The following A3GALT2 variants were observed in gnomAD, a reference collection of about 807,000 sequenced individuals.
A3GALT2 encodes the protein alpha 1,3-galactosyltransferase 2.
In A3GALT2, 14 loss-of-function variants were observed where a neutral mutation model predicts 16.6. That is an observed-to-expected ratio of 0.84 (90% CI 0.56 to 1.32). A3GALT2 has a LOEUF of 1.32. Ranked by LOEUF, A3GALT2 falls within the 40% of genes most tolerant of loss-of-function variation. A3GALT2 has a pLI of 0.00. For missense variants in A3GALT2, 600 were observed against 490.9 expected, an observed-to-expected ratio of 1.22 and a Z score of -2.10; for synonymous variants, 253 against 218.0, an observed-to-expected ratio of 1.16 and a Z score of -1.42.
intron 1 of A3GALT2, among the ~76,000 whole-genome samples, chr1:33,318,216 T>G (rs1646269924): frequency 6.6e-6 from 1 of 152,248 alleles, no homozygotes; most frequent in African/African-American, 2.4e-5. Context: ...GAGTCACATG[T>G]AATTTAAACA....
intron 1 of A3GALT2, among the ~76,000 whole-genome samples, chr1:33,319,481 G>C (rs370629753): frequency 6.6e-6 from 1 of 152,196 alleles, no homozygotes; most frequent in Non-Finnish European, 1.5e-5. Flanking sequence ...TTTAGGAGTA[G>C]GTTTGGTTCC....
At chr1:33,308,252 T>G (rs4073404) in intron 4 of A3GALT2, among the ~76,000 whole-genome samples, 2,617 of 150,822 alleles carry the variant, frequency 0.017, 76 homozygotes, top group African/African-American at 0.062. Flanking sequence ...AGCCTCCATA[T>G]AAGAAGTCCC....
intron 4 of A3GALT2, among the ~76,000 whole-genome samples, chr1:33,310,213 G>T (rs1293387810): frequency 2.6e-5 from 4 of 152,226 alleles, no homozygotes; most frequent in Non-Finnish European, 5.9e-5. Flanking sequence ...TGAGGCAGGA[G>T]AATCAGTCAG....
intron 4 of A3GALT2, among the ~76,000 whole-genome samples, chr1:33,308,687 G>T (rs1646215453): frequency 6.7e-6 from 1 of 148,272 alleles, no homozygotes; most frequent in Non-Finnish European, 1.5e-5. Flanking sequence ...GATTACAGGT[G>T]TGAGCTACTA....
At chr1:33,318,033 AATGTG>A (rs1375868184) in intron 1 of A3GALT2, among the ~76,000 whole-genome samples, 1 of 152,182 alleles carries the variant, frequency 6.6e-6, no homozygotes, top group East Asian at 1.9e-4. Flanking sequence ...AACAGACCCT[AATGTG>A]TTAAGGTGAA....
In A3GALT2 at chr1:33,320,778, G is replaced by A. The variant is rs773840659; in HGVS notation, c.23+298C>T. 2.0e-5 allele frequency among the ~76,000 whole-genome samples: 3 copies of A among 152,044 alleles called. No individual in the cohort carries two copies. Among genetic ancestry groups the A allele is most frequent in the East Asian group, 1.9e-4 (1 of 5,170 alleles). ...ATGTACCCCCGGGTCTCTGCTTTCC[G>A]GCTCGCCAAGGGGGTTTAGAGTTAA... On this transcript the variant is annotated intron_variant, in intron 1 of 4. Transcript: ENST00000442999. This position sits in a 1 kb window ranked among gnomAD's most constrained non-coding sequence, Gnocchi z 4.3.
At chr1:33,308,750 G>GTTTTTTTTTTTTTTTTTTTTTTTTTT (rs56655319) in intron 4 of A3GALT2, among the ~76,000 whole-genome samples, 1 of 46,128 alleles carries the variant, frequency 2.2e-5, no homozygotes, top group African/African-American at 1.2e-4. Flanking sequence ...TGTCAAAGTT[G>GTTTTTTTTTTTTTTTTTTTTTTTTTT]TTTTTTTTTT....
rs1368089924 is a variant in A3GALT2, at chr1:33,308,463, T to A, written c.336-1010A>T. Among the ~76,000 whole-genome samples the A allele has an allele frequency of 4.6e-5, 7 of 152,270 alleles. No individual in the cohort carries two copies. In the East Asian group the frequency reaches 1.4e-3, roughly 29 times the overall value. On this transcript the variant is annotated intron_variant, in intron 4 of 4. Transcript: ENST00000442999. ...TCCTGTGGCCCAGGCTGGAGTACAG[T>A]GGCGCTATCTCAGCTCACTACAACC...
At chr1:33,315,908 C>G (rs937450160) in intron 1 of A3GALT2, among the ~76,000 whole-genome samples, 11 of 151,998 alleles carry the variant, frequency 7.2e-5, no homozygotes, top group Non-Finnish European at 1.3e-4. Flanking sequence ...GGTGCGGAGT[C>G]AGGAAGATGT....
chr1:33,307,415 G>A lies in A3GALT2; in HGVS notation c.374C>T (p.Ala125Val), dbSNP rs181569269. ...CTGGCCCGCCATGAAGTGCTGCTCCGCCGTCTCCAGGAAGCGCTCCAGGTA... is the reference window on the plus strand; with the variant it reads ...CTGGCCCGCCATGAAGTGCTGCTCCACCGTCTCCAGGAAGCGCTCCAGGTA... Reference protein sequence around the residue: ...EKYLERFLETAEQHFMAGQSV... With the variant: ...EKYLERFLETVEQHFMAGQSV... The change falls in exon 5 of 5, where the codon GCG becomes GTG. Residue 125 changes from alanine to valine, a missense_variant. Physicochemically the swap from Ala to Val is moderately conservative, Grantham distance 64. Transcript: ENST00000442999. 8.5e-4 allele frequency: 1,311 copies of A among 1,548,878 alleles called. 15 individuals are homozygous for A. In the African/African-American group the frequency reaches 0.017, roughly 20 times the overall value.
chr1:33,312,276 C>T, intron 3 of A3GALT2, 87 bp from the exon 4 acceptor site: 2 of 1,552,066 alleles, frequency 1.3e-6, no homozygotes, highest in Non-Finnish European at 1.7e-6. Context: ...CAGTGCTGAG[C>T]CCTAGGGACC....
intron 4 of A3GALT2, among the ~76,000 whole-genome samples, chr1:33,311,012 G>A (rs543644821): frequency 3.9e-5 from 6 of 152,138 alleles, no homozygotes; most frequent in Admixed American, 6.5e-5. Flanking sequence ...GACAGAGTTC[G>A]AGGAGCCTTG....
chr1:33,309,295 C>G (rs929092484), intron 4 of A3GALT2, among the ~76,000 whole-genome samples: 7 of 152,328 alleles, frequency 4.6e-5, no homozygotes, highest in African/African-American at 1.4e-4. Flanking sequence ...ACCTCCCAGA[C>G]GGGGTGGCGG....
At chr1:33,317,280 C>G (rs995115772) in intron 1 of A3GALT2, among the ~76,000 whole-genome samples, 1 of 152,064 alleles carries the variant, frequency 6.6e-6, no homozygotes, top group African/African-American at 2.4e-5. Flanking sequence ...GAGGTGCACT[C>G]TGATTACAAT....
chr1:33,311,228 C>T (rs1252226900), intron 4 of A3GALT2, among the ~76,000 whole-genome samples: 1 of 152,196 alleles, frequency 6.6e-6, no homozygotes, highest in Non-Finnish European at 1.5e-5. Context: ...AGTTTAGACA[C>T]TCCCTGTCAT....
chr1:33,321,049 C>T, intron 1 of A3GALT2, 27 bp downstream of exon 1: 3 of 1,612,982 alleles, frequency 1.9e-6, no homozygotes, highest in Non-Finnish European at 2.5e-6. Flanking sequence ...AAGCTTTCTT[C>T]CTCTCCATAC....
At chr1:33,312,024 C>G in intron 4 of A3GALT2, 28 bp downstream of exon 4, 1 of 1,612,772 alleles carries the variant, frequency 6.2e-7, no homozygotes, top group Non-Finnish European at 8.5e-7. Flanking sequence ...ACAGCTTTGA[C>G]AGCACTGCTC....
rs559222935 is a variant in A3GALT2, at chr1:33,312,652, G to A, written c.108-62C>T. The A allele has an allele frequency of 2.1e-5, 31 of 1,492,112 alleles. No homozygotes were observed. The East Asian group carries it at 6.2e-4, about 30-fold the overall frequency. The allele number at this position is 1,492,112 out of a possible 1,614,324, so 92.4% of individuals were successfully genotyped here. ...GAGAAGCATGTCAGCCTGGCCAGGAGCCCTCTGGCTTTGCTTCTTACAAGG... is the reference window on the plus strand; with the variant it reads ...GAGAAGCATGTCAGCCTGGCCAGGAACCCTCTGGCTTTGCTTCTTACAAGG... On this transcript the variant is annotated intron_variant, in intron 2 of 4. Transcript: ENST00000442999.
At position 33,307,217 on chromosome 1, in the gene A3GALT2, T is replaced by G. The variant is rs771313947; in HGVS notation, c.572A>C (p.Glu191Ala). ...GTCCATGCAGAACATGAAGTGCGCC[T>G]CGCGGCCCGGCAGCCCGCCCAGCGC... ...HAALGGLPGREAHFMFCMDVD... is the reference protein window; with the variant it reads ...HAALGGLPGRAAHFMFCMDVD... Residue 191 changes from glutamate to alanine, a missense_variant, in exon 5 of 5, where the codon GAG becomes GCG. Glu to Ala is a moderately radical substitution (Grantham distance 107, BLOSUM62 -1). Transcript: ENST00000442999. 7.3e-6 allele frequency: 11 copies of G among 1,502,362 alleles called. No homozygotes were observed. The highest frequency in any genetic ancestry group is 9.8e-6 in the Non-Finnish European group (11 of 1,126,952). 93.1% of individuals were successfully genotyped at this position (1,502,362 alleles called of 1,614,324 possible).
Sources: gnomAD v4.1 joint callset for allele counts (sites outside exome capture counted in the v4.1 genomes callset) on GRCh38, gnomAD v4.1.1 for gene constraint, Gnocchi (gnomAD v3.1) non-coding constraint, MANE v1.5 for transcripts, NCBI Gene and HGNC (gene_info 2026-07-23, HGNC 2026-07-21) for gene names.